The following RBFOX1 variants were observed in gnomAD, a reference collection of about 807,000 sequenced individuals.
RBFOX1 encodes RNA binding fox-1 homolog 1.
A neutral mutation model predicts 57.7 loss-of-function variants in RBFOX1; 8 were observed. The ratio of observed to expected loss-of-function variants is 0.14; its 90% confidence interval spans 0.08 to 0.25. The LOEUF is 0.25. Ranked by LOEUF, RBFOX1 falls within the 10% of genes least tolerant of loss-of-function variation. The pLI is 1.00. For synonymous variants in RBFOX1, 326 were observed against 222.4 expected (o/e 1.47, Z -4.15); for missense variants, 611 against 548.5 (o/e 1.11, Z -1.14).
chr16:6,887,147 C>G (rs1055282703), intron 3 of RBFOX1, among the ~76,000 whole-genome samples: 2 of 152,142 alleles, frequency 1.3e-5, no homozygotes, highest in East Asian at 3.9e-4. Context: ...ATTGTTGACT[C>G]TGCTGTTCTT....
At chr16:5,508,943 G>T (rs952432085) in intron 2 of RBFOX1, among the ~76,000 whole-genome samples, 1 of 152,184 alleles carries the variant, frequency 6.6e-6, no homozygotes, top group East Asian at 1.9e-4. Flanking sequence ...AACCCTCTAC[G>T]TCTTTGCCCA....
chr16:6,524,159 C>G (rs147291956), intron 2 of RBFOX1, among the ~76,000 whole-genome samples: 1 of 152,194 alleles, frequency 6.6e-6, no homozygotes, highest in Non-Finnish European at 1.5e-5. Context: ...CTTTCCCAGC[C>G]TCTGGTAACC....
At chr16:6,894,391 T>G (rs1596408880) in intron 3 of RBFOX1, among the ~76,000 whole-genome samples, 1 of 152,188 alleles carries the variant, frequency 6.6e-6, no homozygotes, top group Non-Finnish European at 1.5e-5. Flanking sequence ...TTTTCTCTTT[T>G]GTTCCATTCA....
At chr16:6,467,433 C>A (rs943311099) in intron 2 of RBFOX1, among the ~76,000 whole-genome samples, 4 of 151,908 alleles carry the variant, frequency 2.6e-5, no homozygotes, top group Admixed American at 1.3e-4. Context: ...AATAAGTTGA[C>A]ATATATTTAT....
chr16:6,819,964 C>G (rs1328866765), intron 3 of RBFOX1, among the ~76,000 whole-genome samples: 1 of 152,128 alleles, frequency 6.6e-6, no homozygotes, highest in African/African-American at 2.4e-5. Context: ...CACTCATCCT[C>G]TGGCTGTGTC....
intron 1 of RBFOX1, among the ~76,000 whole-genome samples, chr16:5,339,470 G>GTTTTTTGTTTTTT (rs2064982780): frequency 2.4e-5 from 1 of 40,854 alleles, no homozygotes; most frequent in Admixed American, 4.7e-4. Flanking sequence ...CTTTTTCCGT[G>GTTTTTTGTTTTTT]TTTTTTTTTT....
intron 12 of RBFOX1, among the ~76,000 whole-genome samples, chr16:7,655,546 A>G (rs967323327): frequency 2.6e-5 from 4 of 152,196 alleles, no homozygotes; most frequent in African/African-American, 7.2e-5. Flanking sequence ...TATCACAGCA[A>G]TGAGCCCATT....
At chr16:6,150,296 C>G (rs1287380718) in intron 1 of RBFOX1, among the ~76,000 whole-genome samples, 2 of 152,048 alleles carry the variant, frequency 1.3e-5, no homozygotes. Context: ...ATTGTTATGA[C>G]TTTTACCCAG....
intron 1 of RBFOX1, among the ~76,000 whole-genome samples, chr16:6,244,752 C>T (rs1333239134): frequency 6.6e-6 from 1 of 152,200 alleles, no homozygotes; most frequent in Admixed American, 6.5e-5. Flanking sequence ...TCGTGATCCA[C>T]CTTCCTTGAC....
chr16:5,516,560 G>A (rs1030325450), intron 2 of RBFOX1, among the ~76,000 whole-genome samples: 1 of 152,178 alleles, frequency 6.6e-6, no homozygotes, highest in African/African-American at 2.4e-5. Context: ...ACTTATTCAA[G>A]ACAGTGATTC....
At chr16:5,553,726 T>C (rs2045561317) in intron 2 of RBFOX1, among the ~76,000 whole-genome samples, 1 of 151,452 alleles carries the variant, frequency 6.6e-6, no homozygotes, top group Non-Finnish European at 1.5e-5. Flanking sequence ...TATACACATA[T>C]ATATGTATAT....
At chr16:7,410,569 A>G (rs897716979) in intron 4 of RBFOX1, among the ~76,000 whole-genome samples, 1 of 152,150 alleles carries the variant, frequency 6.6e-6, no homozygotes, top group African/African-American at 2.4e-5. Flanking sequence ...TAATCCCAGT[A>G]AGGAGGCTGA....
rs114548277 is a variant in RBFOX1, at chr16:7,548,191, G to T, written c.270+29802G>T. ...TTTCATATTTTATTTTTACTTTTGAGACAGAGAGTCCCATCTGTCACCCAG... is the reference window on the plus strand; with the variant it reads ...TTTCATATTTTATTTTTACTTTTGATACAGAGAGTCCCATCTGTCACCCAG... On this transcript the variant is annotated intron_variant, in intron 5 of 15. Transcript: ENST00000550418. Among the ~76,000 whole-genome samples the T allele has an allele frequency of 2.8e-3, 422 of 152,218 alleles. 1 individual carries two copies. The highest frequency in any genetic ancestry group is 9.5e-3 in the African/African-American group (396 of 41,506).
intron 2 of RBFOX1, among the ~76,000 whole-genome samples, chr16:6,324,002 A>T (rs1178503243): frequency 6.6e-6 from 1 of 152,126 alleles, no homozygotes. Flanking sequence ...CAAACTCCTG[A>T]CCTCAAGTGG....
chr16:6,128,528 T>C (rs752560779), intron 1 of RBFOX1, among the ~76,000 whole-genome samples: 4 of 152,224 alleles, frequency 2.6e-5, no homozygotes, highest in Non-Finnish European at 4.4e-5. Flanking sequence ...CCTTTTCTGC[T>C]GCAAGGCAGG....
chr16:5,627,074 C>T (rs116052443), intron 3 of RBFOX1, among the ~76,000 whole-genome samples: 1 of 152,144 alleles, frequency 6.6e-6, no homozygotes, highest in Non-Finnish European at 1.5e-5. Context: ...TTGCTGCTTT[C>T]CTCAGAAGTA....
chr16:5,536,470 A>G (rs980410222), intron 2 of RBFOX1, among the ~76,000 whole-genome samples: 1 of 152,208 alleles, frequency 6.6e-6, no homozygotes, highest in South Asian at 2.1e-4. Flanking sequence ...TCCTGACCTC[A>G]GGTGATCTGT....
intron 3 of RBFOX1, among the ~76,000 whole-genome samples, chr16:6,659,327 T>A (rs114520772): frequency 0.01 from 1,547 of 151,736 alleles, 27 homozygotes; most frequent in African/African-American, 0.035. Flanking sequence ...TAAAATTGCA[T>A]GAAAGGAGTT....
chr16:6,784,536 T>C (rs1209071291), intron 3 of RBFOX1, among the ~76,000 whole-genome samples: 2 of 152,184 alleles, frequency 1.3e-5, no homozygotes. Flanking sequence ...TCTCCAAGTT[T>C]GTTGAGTTTT....
Sources: gnomAD v4.1 joint callset for allele counts (sites outside exome capture counted in the v4.1 genomes callset) on GRCh38, gnomAD v4.1.1 for gene constraint, MANE v1.5 for transcripts, NCBI Gene and HGNC (gene_info 2026-07-23, HGNC 2026-07-21) for gene names.